The following NALF1 variants were observed in gnomAD, a reference collection of about 807,000 sequenced individuals.
NALF1 encodes family with sequence similarity 155 member A.
NALF1 carries 3 observed loss-of-function variants against 48.4 expected under a neutral mutation model. The ratio of observed to expected loss-of-function variants is 0.06; its 90% CI spans 0.03 to 0.16. NALF1 has a LOEUF of 0.16. NALF1 is among the 10% of genes least tolerant of loss of function. NALF1 has a pLI of 1.00. For missense variants in NALF1, 526 were observed against 571.5 expected, an observed-to-expected ratio of 0.92 and a Z score of 0.81; for synonymous variants, 262 against 245.7, an observed-to-expected ratio of 1.07 and a Z score of -0.62.
At chr13:107,563,194 C>A (rs1232989736) in intron 1 of NALF1, among the ~76,000 whole-genome samples, 1 of 152,154 alleles carries the variant, frequency 6.6e-6, no homozygotes, top group Non-Finnish European at 1.5e-5. Context: ...GAGATTCCAG[C>A]CTGCTGGGGA....
intron 1 of NALF1, among the ~76,000 whole-genome samples, chr13:107,337,100 T>TAAG (rs1882575708): frequency 1.4e-5 from 2 of 147,198 alleles, no homozygotes; most frequent in South Asian, 4.4e-4. Flanking sequence ...AGAGACTCTT[T>TAAG]AGGCCACATC....
At chr13:107,540,648 T>A (rs988963345) in intron 1 of NALF1, among the ~76,000 whole-genome samples, 1 of 152,132 alleles carries the variant, frequency 6.6e-6, no homozygotes, top group Non-Finnish European at 1.5e-5. Flanking sequence ...TTTTAAAATG[T>A]TGGTTTCATT....
intron 1 of NALF1, among the ~76,000 whole-genome samples, chr13:107,569,420 C>T (rs1009350284): frequency 1.3e-5 from 2 of 151,606 alleles, no homozygotes; most frequent in African/African-American, 2.4e-5. Context: ...TGCAGTGAGC[C>T]GAGATGGCGC....
At chr13:107,678,585 T>C (rs1881193128) in intron 1 of NALF1, among the ~76,000 whole-genome samples, 1 of 152,204 alleles carries the variant, frequency 6.6e-6, no homozygotes, top group African/African-American at 2.4e-5. Context: ...ACTTTCATAC[T>C]GTTATAAAGA....
At chr13:107,802,525 A>G (rs1878651585) in intron 1 of NALF1, among the ~76,000 whole-genome samples, 3 of 152,000 alleles carry the variant, frequency 2.0e-5, no homozygotes, top group Admixed American at 2.0e-4. Context: ...TTGTATGCTT[A>G]TTTTTTTCTG....
chr13:107,276,938 CAA>C (rs966397612), intron 1 of NALF1, among the ~76,000 whole-genome samples: 6 of 151,776 alleles, frequency 4.0e-5, no homozygotes, highest in African/African-American at 1.2e-4. Flanking sequence ...TCATTAAAAA[CAA>C]AAAAAGAGAA....
chr13:107,491,444 G>C (rs1479637035), intron 1 of NALF1, among the ~76,000 whole-genome samples: 1 of 147,776 alleles, frequency 6.8e-6, no homozygotes, highest in Non-Finnish European at 1.5e-5. Flanking sequence ...GGAGAGTTCG[G>C]GCTCCACTCA....
chr13:107,573,108 G>A (rs1878035540), intron 1 of NALF1, among the ~76,000 whole-genome samples: 1 of 152,124 alleles, frequency 6.6e-6, no homozygotes, highest in African/African-American at 2.4e-5. Flanking sequence ...CTTCCTGTCT[G>A]TGAAACGACC....
At chr13:107,485,158 C>G (rs967694466) in intron 1 of NALF1, among the ~76,000 whole-genome samples, 4 of 152,116 alleles carry the variant, frequency 2.6e-5, no homozygotes, top group African/African-American at 9.7e-5. Flanking sequence ...TCCCATCTTC[C>G]CAATGATGAA....
intron 2 of NALF1, among the ~76,000 whole-genome samples, chr13:107,178,932 G>A (rs1040239260): frequency 6.6e-6 from 1 of 150,926 alleles, no homozygotes; most frequent in African/African-American, 2.4e-5. Context: ...GTCACAGAGT[G>A]AGACTCTGTC....
At chr13:107,648,461 T>C (rs1264035248) in intron 1 of NALF1, among the ~76,000 whole-genome samples, 1 of 152,164 alleles carries the variant, frequency 6.6e-6, no homozygotes, top group East Asian at 1.9e-4. Flanking sequence ...TTGGCTTCTT[T>C]CACTTAGCCA....
At chr13:107,398,534 T>C (rs772722114) in intron 1 of NALF1, among the ~76,000 whole-genome samples, 3 of 152,208 alleles carry the variant, frequency 2.0e-5, no homozygotes, top group Non-Finnish European at 2.9e-5. Context: ...TTGGATAGAA[T>C]GAGTAAATAA....
intron 1 of NALF1, among the ~76,000 whole-genome samples, chr13:107,717,372 A>G (rs1331926174): frequency 1.3e-5 from 2 of 152,164 alleles, no homozygotes; most frequent in East Asian, 3.9e-4. Context: ...CCCAGCACAT[A>G]CCCACAGAAT....
intron 1 of NALF1, among the ~76,000 whole-genome samples, chr13:107,704,715 G>A (rs778342588): frequency 6.6e-6 from 1 of 152,130 alleles, no homozygotes; most frequent in Non-Finnish European, 1.5e-5. Flanking sequence ...GGTAAAATAA[G>A]AGGACAGGGA....
intron 1 of NALF1, among the ~76,000 whole-genome samples, chr13:107,747,511 A>G (rs1014281719): frequency 3.9e-5 from 6 of 152,184 alleles, no homozygotes; most frequent in African/African-American, 1.4e-4. Flanking sequence ...CTACCTCAGT[A>G]AAGATTTTTA....
intron 1 of NALF1, among the ~76,000 whole-genome samples, chr13:107,548,120 T>A (rs939538381): frequency 6.6e-6 from 1 of 152,188 alleles, no homozygotes; most frequent in African/African-American, 2.4e-5. Flanking sequence ...CTTCTCTCCC[T>A]CCTCCCACCC....
rs972506210 is a variant in NALF1 at position 107,168,751 on chromosome 13, G to A, written c.*1746C>T. Reference sequence around the variant, plus strand: ...TCAAAACAAAATATGCATACTGTACGCATGTCGCAGGGTTAAGTATGATGC... The same window carrying A: ...TCAAAACAAAATATGCATACTGTACACATGTCGCAGGGTTAAGTATGATGC... On this transcript the variant is annotated 3_prime_UTR_variant, in exon 3 of 3. Transcript: ENST00000375915. 2 of 152,456 alleles carry A rather than the reference G, an allele frequency of 1.3e-5. No individual in the cohort carries two copies. The highest frequency in any genetic ancestry group is 2.4e-5 in the African/African-American group (1 of 41,392). 9.4% of individuals were successfully genotyped at this position (152,456 alleles called of 1,614,324 possible). A position where few individuals can be genotyped will look rare whatever the true frequency, so the allele number is the denominator to read the frequency against.
At chr13:107,236,677 CTATCTATCTAT>C (rs1880351063) in intron 1 of NALF1, among the ~76,000 whole-genome samples, 3 of 27,464 alleles carry the variant, frequency 1.1e-4, no homozygotes, top group Non-Finnish European at 2.3e-4. Context: ...GTCTGTCTAT[CTATCTATCTAT>C]CTATCTATCT....
intron 1 of NALF1, among the ~76,000 whole-genome samples, chr13:107,706,318 A>G (rs1283236689): frequency 2.0e-5 from 3 of 152,222 alleles, no homozygotes; most frequent in Non-Finnish European, 2.9e-5. Flanking sequence ...TTCATCTTTT[A>G]TCTTCTATTT....
Sources: gnomAD v4.1 joint callset for allele counts (sites outside exome capture counted in the v4.1 genomes callset) on GRCh38, gnomAD v4.1.1 for gene constraint, MANE v1.5 for transcripts, NCBI Gene and HGNC (gene_info 2026-07-23, HGNC 2026-07-21) for gene names.